NBEA: variants seen among roughly 807,000 people sequenced by gnomAD.
The protein encoded by NBEA is neurobeachin.
A neutral mutation model predicts 343.4 loss-of-function variants in NBEA; 44 were observed. That is an observed-to-expected ratio of 0.13 (90% CI 0.10 to 0.16). NBEA has a LOEUF of 0.16. NBEA is among the 10% of genes least tolerant of loss of function. NBEA has a pLI of 1.00. For synonymous variants in NBEA, 1,175 were observed against 1,238.7 expected, an observed-to-expected ratio of 0.95 and a Z score of 1.08; for missense variants, 2,555 against 3,631.3, an observed-to-expected ratio of 0.70 and a Z score of 7.62.
chr13:34,948,770 G>C (rs929700040), intron 1 of NBEA, among the ~76,000 whole-genome samples: 1 of 152,250 alleles, frequency 6.6e-6, no homozygotes, highest in African/African-American at 2.4e-5. Context: ...AACTACTGAG[G>C]TTGGAATTTT....
At chr13:35,423,349 G>C (rs1594581815) in intron 38 of NBEA, among the ~76,000 whole-genome samples, 1 of 152,298 alleles carries the variant, frequency 6.6e-6, no homozygotes, top group East Asian at 1.9e-4. Flanking sequence ...AAGGGATCCA[G>C]TTTCAGCTTT....
At chr13:35,619,518 C>G (rs2082885268) in intron 48 of NBEA, among the ~76,000 whole-genome samples, 1 of 152,144 alleles carries the variant, frequency 6.6e-6, no homozygotes, top group Non-Finnish European at 1.5e-5. Flanking sequence ...ACCACAACAT[C>G]CTGTATCTGG....
At chr13:35,009,497 TCAAAAATGAGCTGTCCCACTGTC>T (rs2061416031) in intron 1 of NBEA, among the ~76,000 whole-genome samples, 1 of 151,892 alleles carries the variant, frequency 6.6e-6, no homozygotes, top group African/African-American at 2.4e-5. Context: ...AGACCCCGAG[TCAAAAATGAGCTGTCCCACTGTC>T]CAAGCAAGAG....
At chr13:34,945,050 A>C (rs1339170043) in intron 1 of NBEA, among the ~76,000 whole-genome samples, 14 of 152,272 alleles carry the variant, frequency 9.2e-5, no homozygotes, top group Admixed American at 4.6e-4. Flanking sequence ...ATCTGACATG[A>C]AGTTTCAGTA....
intron 1 of NBEA, among the ~76,000 whole-genome samples, chr13:34,967,368 A>G (rs2059856893): frequency 6.6e-6 from 1 of 151,756 alleles, no homozygotes; most frequent in Non-Finnish European, 1.5e-5. Flanking sequence ...TTAAAAAAGC[A>G]AAACTGAGAC....
intron 38 of NBEA, among the ~76,000 whole-genome samples, chr13:35,398,157 T>C (rs1306783824): frequency 6.6e-6 from 1 of 152,178 alleles, no homozygotes; most frequent in Non-Finnish European, 1.5e-5. Flanking sequence ...GAAACCGTTT[T>C]CTTTGTTCAT....
chr13:35,192,051 A>G (rs906657109), intron 30 of NBEA, among the ~76,000 whole-genome samples: 2 of 152,090 alleles, frequency 1.3e-5, no homozygotes, highest in African/African-American at 2.4e-5. Context: ...GACAAGGTTA[A>G]GATCACTCTG....
chr13:35,567,963 A>G (rs982164305), intron 45 of NBEA, among the ~76,000 whole-genome samples: 15 of 152,254 alleles, frequency 9.9e-5, no homozygotes, highest in African/African-American at 3.1e-4. Flanking sequence ...TTGAAGTTCT[A>G]TATTGCACTA....
At chr13:35,242,272 A>G (rs1211697581) in intron 34 of NBEA, among the ~76,000 whole-genome samples, 1 of 151,880 alleles carries the variant, frequency 6.6e-6, no homozygotes, top group Non-Finnish European at 1.5e-5. Context: ...AAGGAATTAA[A>G]AAATTCATTA....
intron 36 of NBEA, among the ~76,000 whole-genome samples, chr13:35,325,445 A>G (rs1049319358): frequency 5.3e-5 from 8 of 152,038 alleles, no homozygotes; most frequent in Non-Finnish European, 8.8e-5. Context: ...AATAAATAAT[A>G]CCAATATACT....
intron 45 of NBEA, among the ~76,000 whole-genome samples, chr13:35,582,233 C>G (rs951696206): frequency 6.6e-6 from 1 of 152,044 alleles, no homozygotes; most frequent in Non-Finnish European, 1.5e-5. Context: ...TTGCAGCGAG[C>G]CCAGATCGCG....
intron 38 of NBEA, among the ~76,000 whole-genome samples, chr13:35,373,857 T>C (rs2152885910): frequency 6.6e-6 from 1 of 152,192 alleles, no homozygotes; most frequent in Non-Finnish European, 1.5e-5. Context: ...AAGGGGTTGG[T>C]CTTGCTGTCT....
chr13:35,642,621 C>T (rs2084016660), intron 49 of NBEA, among the ~76,000 whole-genome samples: 1 of 152,140 alleles, frequency 6.6e-6, no homozygotes, highest in African/African-American at 2.4e-5. Flanking sequence ...AGATGAGTGA[C>T]ACAAGCCAGT....
chr13:35,582,159 G>A (rs1474749039), intron 45 of NBEA, among the ~76,000 whole-genome samples: 5 of 151,904 alleles, frequency 3.3e-5, no homozygotes, highest in Non-Finnish European at 7.4e-5. Flanking sequence ...GGTGGCGGGC[G>A]CCTGTAGTCG....
Position 35,441,846 on chromosome 13 carries a change from AAG to A in NBEA, c.6304+9455_6304+9456del, listed in dbSNP as rs1165234635. ...TGCTAGATGTGAAAAAAAAAAAAAA[AAG>A]AAGACACTGAGGTAATGTCACTTAC... On this transcript the variant is annotated intron_variant, in intron 39 of 58. Coordinates refer to ENST00000379939, the MANE Select transcript of NBEA (RefSeq NM_001385012.1). 5.9e-4 allele frequency among the ~76,000 whole-genome samples: 90 copies of A among 151,398 alleles called. 1 individual carries two copies. The highest frequency in any genetic ancestry group is 2.0e-3 in the African/African-American group (84 of 41,220).
At chr13:35,024,051 C>T (rs927425662) in intron 1 of NBEA, among the ~76,000 whole-genome samples, 1 of 152,154 alleles carries the variant, frequency 6.6e-6, no homozygotes, top group Non-Finnish European at 1.5e-5. Context: ...TGTTTAGCTC[C>T]CACTTACAGG....
intron 18 of NBEA, among the ~76,000 whole-genome samples, chr13:35,153,037 T>C (rs1364282412): frequency 8.4e-6 from 1 of 119,606 alleles, no homozygotes; most frequent in Non-Finnish European, 1.8e-5. Context: ...ACATAGGTTC[T>C]TTTTTTTTTT....
At position 34,990,875 on chromosome 13, in the gene NBEA, TGAA is replaced by T. The variant is rs550324635; in HGVS notation, c.294+47765_294+47767del. ...TGTTAGAAGCAACCAGGCCACATCT[TGAA>T]GAACACTTTGCTACTTAGAAATTTC... On this transcript the variant is annotated intron_variant, in intron 1 of 58. Transcript: ENST00000379939. Among the ~76,000 whole-genome samples, 251 of 152,356 alleles carry T rather than the reference TGAA, an allele frequency of 1.6e-3. 1 individual carries two copies. Among genetic ancestry groups the T allele is most frequent in the African/African-American group, 5.9e-3 (244 of 41,584 alleles).
intron 36 of NBEA, among the ~76,000 whole-genome samples, chr13:35,320,038 T>A (rs2038028610): frequency 6.6e-6 from 1 of 152,194 alleles, no homozygotes; most frequent in Admixed American, 6.5e-5. Context: ...GGGTCGTGAC[T>A]CTTTATCAAC....
Sources: allele counts gnomAD v4.1 joint callset (sites outside exome capture counted in the v4.1 genomes callset), GRCh38; gene constraint gnomAD v4.1.1; transcripts MANE v1.5; gene names NCBI Gene and HGNC (gene_info 2026-07-23, HGNC 2026-07-21).